The following TMTC1 variants were observed in gnomAD, a reference collection of about 807,000 sequenced individuals.
TMTC1 encodes protein O-mannosyl-transferase TMTC1.
In TMTC1, 73 loss-of-function variants were observed where a neutral mutation model predicts 104.8. The observed-to-expected ratio is 0.70, with a 90% confidence interval of 0.58 to 0.85. The LOEUF is 0.85. Ranked by LOEUF, TMTC1 falls within the 40% of genes least tolerant of loss-of-function variation. The probability of loss-of-function intolerance (pLI) is 0.00; values close to 1 mark genes in which losing one functional copy is unlikely to be tolerated. For missense variants in TMTC1, 1,035 were observed against 1,096.1 expected (o/e 0.94, Z 0.79); for synonymous variants, 434 against 428.7 (o/e 1.01, Z -0.15).
chr12:29,669,192 G>A (rs1416538201), intron 5 of TMTC1, among the ~76,000 whole-genome samples: 1 of 152,212 alleles, frequency 6.6e-6, no homozygotes, highest in Non-Finnish European at 1.5e-5. Context: ...TATATATACA[G>A]AGGCCTAAGA....
At chr12:29,751,528 G>T in intron 5 of TMTC1, 138 bp downstream of exon 5, 1 of 841,592 alleles carries the variant, frequency 1.2e-6, no homozygotes, top group East Asian at 2.5e-5. Context: ...ACAGGAAGAA[G>T]GGGGTAAGGA....
chr12:29,584,536 C>T (rs1446561764), intron 7 of TMTC1, among the ~76,000 whole-genome samples: 1 of 151,864 alleles, frequency 6.6e-6, no homozygotes, highest in Non-Finnish European at 1.5e-5. Flanking sequence ...TGGTGTGCTG[C>T]ACCCATTAAC....
chr12:29,737,195 G>A (rs1388870218), intron 5 of TMTC1, among the ~76,000 whole-genome samples: 1 of 152,220 alleles, frequency 6.6e-6, no homozygotes, highest in Non-Finnish European at 1.5e-5. Context: ...CCATGGCTCA[G>A]AGCCAGGCAG....
At position 29,563,093 on chromosome 12, in the gene TMTC1, G is replaced by A. The variant is rs553698342; in HGVS notation, c.1533-6093C>T. On this transcript the variant is annotated intron_variant, in intron 9 of 17. Transcript: ENST00000539277. Reference sequence around the variant, plus strand: ...ATACTGAGAGTTCTCAGATGTGAAGGGCAAGTAACCCTCTCCATTTTAAGA... The same window carrying A: ...ATACTGAGAGTTCTCAGATGTGAAGAGCAAGTAACCCTCTCCATTTTAAGA... Among the ~76,000 whole-genome samples, 9 of 152,184 alleles carry A rather than the reference G, an allele frequency of 5.9e-5. No individual in the cohort carries two copies. In the South Asian group the frequency reaches 1.9e-3, roughly 32 times the overall value.
intron 5 of TMTC1, among the ~76,000 whole-genome samples, chr12:29,724,218 G>T (rs1212078040): frequency 1.3e-5 from 2 of 152,144 alleles, no homozygotes; most frequent in Admixed American, 6.5e-5. Flanking sequence ...TTTCATACAC[G>T]ACAAGTTTGA....
At chr12:29,586,593 T>A (rs1946140731) in intron 7 of TMTC1, among the ~76,000 whole-genome samples, 1 of 152,080 alleles carries the variant, frequency 6.6e-6, no homozygotes, top group Admixed American at 6.5e-5. Flanking sequence ...GCTCTTATTA[T>A]TTTGAGATAC....
intron 6 of TMTC1, among the ~76,000 whole-genome samples, chr12:29,611,333 C>T (rs1472704460): frequency 2.6e-5 from 4 of 152,028 alleles, no homozygotes; most frequent in East Asian, 3.9e-4. Context: ...ATGAAGCTCC[C>T]GGATTGCTTT....
chr12:29,699,722 A>C (rs1941530145), intron 5 of TMTC1, among the ~76,000 whole-genome samples: 1 of 134,352 alleles, frequency 7.4e-6, no homozygotes, highest in Non-Finnish European at 1.5e-5. Flanking sequence ...GCGCTACCAC[A>C]GCTTGCTGCA....
rs530280235 is a variant in TMTC1 at position 29,783,845 on chromosome 12, G to C, written c.-94C>G. ...GGCGGCGCGCGGCGTCTGCCCGGAG[G>C]GGGGCTCGGGCATGGTGCTGCGGCA... On this transcript the variant is annotated 5_prime_UTR_variant, in exon 1 of 18. Coordinates refer to ENST00000539277, the MANE Select transcript of TMTC1 (RefSeq NM_001193451.2). This position sits in a 1 kb window ranked among gnomAD's most constrained non-coding sequence, Gnocchi z 4.7. 252 of 1,046,434 alleles carry C rather than the reference G, an allele frequency of 2.4e-4. No individual in the cohort carries two copies. The highest frequency in any genetic ancestry group is 2.0e-3 in the East Asian group (26 of 13,252). The allele number at this position is 1,046,434 out of a possible 1,614,324, so 64.8% of individuals were successfully genotyped here. A position where few individuals can be genotyped will look rare whatever the true frequency, so the allele number is the denominator to read the frequency against.
intron 11 of TMTC1, chr12:29,535,990 G>T (rs781564801): frequency 7.6e-6 from 4 of 527,650 alleles, no homozygotes; most frequent in East Asian, 3.4e-5. Flanking sequence ...TATATCAATG[G>T]CCAATAACGG....
chr12:29,706,934 A>T (rs1484647399), intron 5 of TMTC1, among the ~76,000 whole-genome samples: 1 of 152,194 alleles, frequency 6.6e-6, no homozygotes, highest in Non-Finnish European at 1.5e-5. Context: ...AAGTACAAAG[A>T]CAGGATTGAA....
rs147136580 is a variant in TMTC1 at position 29,750,672 on chromosome 12, G to T, written c.938+994C>A. On this transcript the variant is annotated intron_variant, in intron 5 of 17. Coordinates refer to ENST00000539277, the MANE Select transcript of TMTC1 (RefSeq NM_001193451.2). Reference sequence around the variant, plus strand: ...CACAGAAGAGTAACAACAGCAATCTGAAGTGGTAAAGTGCTAATCTTATGA... The same window carrying T: ...CACAGAAGAGTAACAACAGCAATCTTAAGTGGTAAAGTGCTAATCTTATGA... 2.5e-3 allele frequency among the ~76,000 whole-genome samples: 380 copies of T among 152,368 alleles called. 4 individuals carry two copies. Among genetic ancestry groups the T allele is most frequent in the African/African-American group, 7.8e-3 (325 of 41,594 alleles).
At chr12:29,593,756 A>G (rs765065480) in intron 7 of TMTC1, among the ~76,000 whole-genome samples, 3 of 152,256 alleles carry the variant, frequency 2.0e-5, no homozygotes, top group African/African-American at 7.2e-5. Context: ...GAATTAATAC[A>G]TAATGAGGAA....
intron 1 of TMTC1, among the ~76,000 whole-genome samples, chr12:29,769,990 C>A (rs1407059339): frequency 6.6e-6 from 1 of 151,702 alleles, no homozygotes; most frequent in African/African-American, 2.4e-5. Flanking sequence ...AGTGAATGTA[C>A]AAGAATGCAT....
chr12:29,695,913 C>T (rs1239415394), intron 5 of TMTC1, among the ~76,000 whole-genome samples: 1 of 149,360 alleles, frequency 6.7e-6, no homozygotes, highest in Non-Finnish European at 1.5e-5. Context: ...GCAACCTTCC[C>T]AGGACTGAAA....
At chr12:29,719,043 T>A (rs1942162432) in intron 5 of TMTC1, among the ~76,000 whole-genome samples, 1 of 151,902 alleles carries the variant, frequency 6.6e-6, no homozygotes, top group Admixed American at 6.6e-5. Context: ...ACAAGCCACA[T>A]TTTTGCTTCG....
intron 10 of TMTC1, among the ~76,000 whole-genome samples, chr12:29,554,852 T>A (rs1295603990): frequency 6.6e-6 from 1 of 152,160 alleles, no homozygotes; most frequent in East Asian, 1.9e-4. Context: ...CTCAAATATA[T>A]ACATGAAATA....
intron 7 of TMTC1, among the ~76,000 whole-genome samples, chr12:29,598,479 G>A (rs1946470679): frequency 2.0e-5 from 3 of 152,030 alleles, no homozygotes; most frequent in Non-Finnish European, 4.4e-5. Flanking sequence ...GATCACTCTG[G>A]GCTTTTCAAC....
chr12:29,586,230 GCTCT>G (rs1440558375), intron 7 of TMTC1, among the ~76,000 whole-genome samples: 1 of 151,800 alleles, frequency 6.6e-6, no homozygotes, highest in East Asian at 1.9e-4. Flanking sequence ...TCATGATTTG[GCTCT>G]CTGTCTGTTA....
Sources: gnomAD v4.1 joint callset for allele counts (sites outside exome capture counted in the v4.1 genomes callset) on GRCh38, gnomAD v4.1.1 for gene constraint, Gnocchi (gnomAD v3.1) non-coding constraint, MANE v1.5 for transcripts, NCBI Gene and HGNC (gene_info 2026-07-23, HGNC 2026-07-21) for gene names.